Variants in TAF5 observed in about 807,000 individuals in gnomAD.
TAF5 encodes transcription initiation factor TFIID subunit 5.
A neutral mutation model predicts 80.9 loss-of-function variants in TAF5; 20 were observed. That is an observed-to-expected ratio of 0.25 (90% CI 0.17 to 0.36). TAF5 has a LOEUF of 0.36. Ranked by LOEUF, TAF5 falls within the 10% of genes least tolerant of loss-of-function variation. The pLI is 1.00. For missense variants in TAF5, 863 were observed against 1,029.4 expected (o/e 0.84, Z 2.21); for synonymous variants, 388 against 406.4 (o/e 0.95, Z 0.55).
chr10:103,383,579 T>TC (rs1458600292), intron 7 of TAF5, among the ~76,000 whole-genome samples: 2 of 128,948 alleles, frequency 1.6e-5, no homozygotes, highest in East Asian at 4.7e-4. Flanking sequence ...TATACTCACT[T>TC]TTTTTTTTTT....
intron 1 of TAF5, among the ~76,000 whole-genome samples, chr10:103,371,435 C>T (rs1485798553): frequency 2.0e-5 from 3 of 152,144 alleles, no homozygotes; most frequent in Non-Finnish European, 4.4e-5. Context: ...AAGAAATTAT[C>T]ACATTTCTGC....
At position 103,379,246 on chromosome 10, in the gene TAF5, G is replaced by A. The variant is rs145743754; in HGVS notation, c.1114-362G>A. Among the ~76,000 whole-genome samples, 589 of 152,308 alleles carry A rather than the reference G, an allele frequency of 3.9e-3. 2 individuals are homozygous for A. The highest frequency in any genetic ancestry group is 6.8e-3 in the Middle Eastern group (2 of 294). ...TGGCTGTTGCAGTTTCAGCATTGCAGCTCCGTTCCAAGAAGGAAGAAGGGG... is the reference window on the plus strand; with the variant it reads ...TGGCTGTTGCAGTTTCAGCATTGCAACTCCGTTCCAAGAAGGAAGAAGGGG... On this transcript the variant is annotated intron_variant, in intron 3 of 10. Transcript: ENST00000369839.
intron 9 of TAF5, 48 bp downstream of exon 9, chr10:103,387,400 AAAAAT>A (rs2093399427): frequency 1.3e-6 from 2 of 1,561,468 alleles, no homozygotes; most frequent in Non-Finnish European, 1.7e-6. Flanking sequence ...CTTTCAAAAT[AAAAAT>A]ATTTTTTAAA....
rs746828002 is a variant in TAF5 at position 103,368,286 on chromosome 10, C to T, written c.297C>T (p.Ala99=). The change falls in exon 1 of 11, where the codon GCC becomes GCT. Residue 99 remains alanine (A), a synonymous_variant. Coordinates refer to ENST00000369839, the MANE Select transcript of TAF5 (RefSeq NM_006951.5). ...GAPHDRQTLL[A]VLQFLRQSKL... is the part of the protein sequence containing the mutation. Reference sequence around the variant, plus strand: ...CGCATGACCGACAGACTCTACTGGCCGTGCTGCAGTTCCTACGGCAGAGCA... The same window carrying T: ...CGCATGACCGACAGACTCTACTGGCTGTGCTGCAGTTCCTACGGCAGAGCA... 1 of 1,579,164 alleles carries T rather than the reference C, an allele frequency of 6.3e-7. No individual in the cohort carries two copies. Among genetic ancestry groups the T allele is most frequent in the Admixed American group, 1.7e-5 (1 of 57,170 alleles).
At chr10:103,386,313 C>T (rs907900540) in intron 8 of TAF5, among the ~76,000 whole-genome samples, 4 of 151,758 alleles carry the variant, frequency 2.6e-5, no homozygotes, top group Admixed American at 1.3e-4. Context: ...TGTGGTGGCA[C>T]GTGCCTGTAG....
intron 3 of TAF5, among the ~76,000 whole-genome samples, chr10:103,379,203 C>A (rs1255235740): frequency 6.6e-6 from 1 of 152,186 alleles, no homozygotes; most frequent in Non-Finnish European, 1.5e-5. Flanking sequence ...ATGTGGCTTT[C>A]CTCTTTGTGC....
chr10:103,378,567 A>T lies in TAF5; in HGVS notation c.1113+17A>T, dbSNP rs1371496588. ...AAATCAAAGGTATGGGAATGAACCT[A>T]AGAACTCTATAATGCAGATTATGAA... On this transcript the variant is annotated intron_variant, in intron 3 of 10. Coordinates refer to ENST00000369839, the MANE Select transcript of TAF5 (RefSeq NM_006951.5). This position sits in a 1 kb window ranked among gnomAD's most constrained non-coding sequence, Gnocchi z 4.1. 1 of 1,601,220 alleles carries T rather than the reference A, an allele frequency of 6.2e-7. No homozygotes were observed. Among genetic ancestry groups the T allele is most frequent in the Non-Finnish European group, 8.5e-7 (1 of 1,173,134 alleles).
rs558327423 is a variant in TAF5 at position 103,387,718 on chromosome 10, T to A, written c.2185+20T>A. On this transcript the variant is annotated intron_variant, in intron 10 of 10. Coordinates refer to ENST00000369839, the MANE Select transcript of TAF5 (RefSeq NM_006951.5). Reference sequence around the variant, plus strand: ...CATCAGGTAAATGACTATTAATGGCTTTACGATAAATGCTATGTTAAGAGG... The same window carrying A: ...CATCAGGTAAATGACTATTAATGGCATTACGATAAATGCTATGTTAAGAGG... 1.2e-6 allele frequency: 2 copies of A among 1,600,012 alleles called. No homozygotes were observed. Among genetic ancestry groups the A allele is most frequent in the South Asian group, 2.2e-5 (2 of 90,090 alleles).
At position 103,372,181 on chromosome 10, in the gene TAF5, C is replaced by T. The variant is rs1221141905; in HGVS notation, c.560-1177C>T. On this transcript the variant is annotated intron_variant, in intron 1 of 10. Coordinates refer to ENST00000369839, the MANE Select transcript of TAF5 (RefSeq NM_006951.5). ...TGAACTTCTGACCTTGTGATCTGCC[C>T]GCCTCAGCCTCTCAAAGTGCTGGGA... Among the ~76,000 whole-genome samples the T allele has an allele frequency of 6.6e-5, 10 of 151,294 alleles. No homozygotes were observed. The South Asian group carries it at 1.0e-3, about 16-fold the overall frequency.
At chr10:103,375,138 AAAG>A (rs1177338403) in intron 2 of TAF5, among the ~76,000 whole-genome samples, 2 of 151,778 alleles carry the variant, frequency 1.3e-5, no homozygotes, top group Non-Finnish European at 1.5e-5. Context: ...AAAAAAAAAA[AAAG>A]AAAATGTGTG....
chr10:103,376,472 C>T (rs2093370306), intron 2 of TAF5, among the ~76,000 whole-genome samples: 1 of 151,636 alleles, frequency 6.6e-6, no homozygotes, highest in Non-Finnish European at 1.5e-5. Context: ...AATAGAGGAA[C>T]AGTAGAACTT....
At chr10:103,384,925 G>A (rs1292507952) in intron 7 of TAF5, among the ~76,000 whole-genome samples, 3 of 151,994 alleles carry the variant, frequency 2.0e-5, no homozygotes, top group Non-Finnish European at 4.4e-5. Context: ...TGGGAAAATA[G>A]CATCTTTATT....
rs779394147 is a variant in TAF5 at position 103,388,244 on chromosome 10, T to C, written c.*21T>C. ...AATAAACCATCGGTATTAAAGACCT[T>C]TTGGAAGCTACTGTTTTTAAAAAGG... On this transcript the variant is annotated 3_prime_UTR_variant, in exon 11 of 11. Transcript: ENST00000369839. 1.9e-6 allele frequency: 3 copies of C among 1,585,300 alleles called. No individual in the cohort carries two copies. The highest frequency in any genetic ancestry group is 2.6e-6 in the Non-Finnish European group (3 of 1,164,614).
chr10:103,376,417 A>G (rs1193360217), intron 2 of TAF5, among the ~76,000 whole-genome samples: 1 of 152,094 alleles, frequency 6.6e-6, no homozygotes, highest in African/African-American at 2.4e-5. Context: ...AATACAAGCA[A>G]CAGAGCCTGA....
chr10:103,374,515 C>T lies in TAF5; in HGVS notation c.797+920C>T, dbSNP rs1475180497. Reference sequence around the variant, plus strand: ...TTTATATCTTAACAGTCAGTGGCCACACCTAGCTACAAGGGAAATAAGAAA... The same window carrying T: ...TTTATATCTTAACAGTCAGTGGCCATACCTAGCTACAAGGGAAATAAGAAA... On this transcript the variant is annotated intron_variant, in intron 2 of 10. Transcript: ENST00000369839. The surrounding 1 kb of genome is among the most constrained non-coding windows in gnomAD (Gnocchi z 4.3). 1.3e-5 allele frequency among the ~76,000 whole-genome samples: 2 copies of T among 152,316 alleles called. No homozygotes were observed. Among genetic ancestry groups the T allele is most frequent in the South Asian group, 4.1e-4 (2 of 4,832 alleles).
Position 103,378,668 on chromosome 10 carries a change from T to C in TAF5, c.1113+118T>C. 1 of 1,236,688 alleles carries C rather than the reference T, an allele frequency of 8.1e-7. No individual in the cohort carries two copies. Among genetic ancestry groups the C allele is most frequent in the Non-Finnish European group, 1.1e-6 (1 of 907,788 alleles). The allele number at this position is 1,236,688 out of a possible 1,614,324, so 76.6% of individuals were successfully genotyped here. A position where few individuals can be genotyped will look rare whatever the true frequency, so the allele number is the denominator to read the frequency against. The stretch of plus-strand genomic sequence containing the variant: ...CTTGGAAACAATTTTTTTCGTTTGT[T>C]TGTTTTGAGACGGAGTTTTGCTCTT... On this transcript the variant is annotated intron_variant, in intron 3 of 10. Coordinates refer to ENST00000369839, the MANE Select transcript of TAF5 (RefSeq NM_006951.5). This position sits in a 1 kb window ranked among gnomAD's most constrained non-coding sequence, Gnocchi z 4.1.
At position 103,388,393 on chromosome 10, in the gene TAF5, A is replaced by G. The variant is rs1289685021; in HGVS notation, c.*170A>G. 1.7e-6 allele frequency: 1 copy of G among 578,916 alleles called. No homozygotes were observed. Among genetic ancestry groups the G allele is most frequent in the Non-Finnish European group, 3.0e-6 (1 of 332,530 alleles). The allele number at this position is 578,916 out of a possible 1,614,324, so 35.9% of individuals were successfully genotyped here. On this transcript the variant is annotated 3_prime_UTR_variant, in exon 11 of 11. Transcript: ENST00000369839. Reference sequence around the variant, plus strand: ...AGGACAGTTCCACGTTTCTATAGCAACCACATTTGACTAATTTCCGTTAGT... The same window carrying G: ...AGGACAGTTCCACGTTTCTATAGCAGCCACATTTGACTAATTTCCGTTAGT...
chr10:103,373,455 T>A lies in TAF5; in HGVS notation c.657T>A (p.Ser219Arg), dbSNP rs771546410. The change falls in exon 2 of 11, where the codon AGT becomes AGA. Residue 219 changes from serine (S) to arginine (R), a missense_variant. This residue lies in a region of TAF5 where 367 missense variants were observed against 335.5 expected (regional missense o/e 1.09). Transcript: ENST00000369839. Reference sequence around the variant, plus strand: ...CCACAATGTATGAAGAATACTATAGTGGACTGAAACACTTCATTGAATGTT... The same window carrying A: ...CCACAATGTATGAAGAATACTATAGAGGACTGAAACACTTCATTGAATGTT... ...GDPTMYEEYY[S>R]GLKHFIECSL... The A allele has an allele frequency of 3.1e-6, 5 of 1,614,102 alleles. No homozygotes were observed.
chr10:103,375,122 A>AG (rs2093367624), intron 2 of TAF5, among the ~76,000 whole-genome samples: 1 of 150,350 alleles, frequency 6.7e-6, no homozygotes, highest in South Asian at 2.1e-4. Flanking sequence ...CCTGTCTCAA[A>AG]AAAAAAAAAA....
Sources: allele counts gnomAD v4.1 joint callset (sites outside exome capture counted in the v4.1 genomes callset), GRCh38; gene constraint gnomAD v4.1.1; regional missense constraint gnomAD v4.1.1; non-coding constraint Gnocchi (gnomAD v3.1); transcripts MANE v1.5; gene names NCBI Gene and HGNC (gene_info 2026-07-23, HGNC 2026-07-21).